Variants in PREX2 observed in about 807,000 individuals in gnomAD.
The protein encoded by PREX2 is phosphatidylinositol 3,4,5-trisphosphate-dependent Rac exchanger 2 protein.
A neutral mutation model predicts 203.2 loss-of-function variants in PREX2; 107 were observed. The observed-to-expected ratio is 0.53, with a 90% CI of 0.45 to 0.62. The LOEUF is 0.62. Among genes scored for constraint, PREX2 ranks in the 20% least tolerant of loss-of-function variants. The probability of loss-of-function intolerance (pLI) is 0.00; values close to 1 mark genes in which losing one functional copy is unlikely to be tolerated. For missense variants in PREX2, 1,777 were observed against 1,955.9 expected (o/e 0.91, Z 1.72); for synonymous variants, 672 against 663.6 (o/e 1.01, Z -0.19).
In PREX2 at chr8:68,119,461, T is replaced by C; in HGVS notation, c.3451T>C (p.Ser1151Pro). The change falls in exon 28 of 40, where the codon TCT becomes CCT. Residue 1151 changes from serine to proline, a missense_variant. By Grantham distance (74) the Ser-to-Pro change is moderately conservative. Coordinates refer to ENST00000288368, the MANE Select transcript of PREX2 (RefSeq NM_024870.4). ...GDELPLSVRISHDKQDKIHSC... is the reference protein window; with the variant it reads ...GDELPLSVRIPHDKQDKIHSC... ...TGAACTTCCCTTAAGTGTTCGCATATCTCATGATAAACAGGACAAGATACA... is the reference window on the plus strand; with the variant it reads ...TGAACTTCCCTTAAGTGTTCGCATACCTCATGATAAACAGGACAAGATACA... 6.2e-7 allele frequency: 1 copy of C among 1,613,876 alleles called. No homozygotes were observed. The highest frequency in any genetic ancestry group is 1.1e-5 in the South Asian group (1 of 91,062).
intron 1 of PREX2, among the ~76,000 whole-genome samples, chr8:67,993,882 A>T (rs186533071): frequency 9.7e-4 from 148 of 152,314 alleles, no homozygotes; most frequent in South Asian, 6.8e-3. Flanking sequence ...AGAAATCTTC[A>T]TAGAGAAAGT....
At chr8:68,057,023 T>TC (rs928665863) in intron 10 of PREX2, among the ~76,000 whole-genome samples, 26 of 152,272 alleles carry the variant, frequency 1.7e-4, no homozygotes, top group African/African-American at 6.3e-4. Context: ...TTTGGCTGTG[T>TC]CCCCACCCAA....
chr8:68,114,472 A>T (rs748843967), intron 25 of PREX2, among the ~76,000 whole-genome samples: 2 of 152,172 alleles, frequency 1.3e-5, no homozygotes. Context: ...TACATGGTTT[A>T]ATTCATTTTG....
At chr8:68,179,033 CT>C (rs1448707722) in intron 35 of PREX2, among the ~76,000 whole-genome samples, 2 of 151,966 alleles carry the variant, frequency 1.3e-5, no homozygotes, top group East Asian at 1.9e-4. Flanking sequence ...TTTTTATACA[CT>C]TTTGGTTTAT....
chr8:68,134,398 G>A lies in PREX2; in HGVS notation c.3984+122G>A, dbSNP rs56255850. 9.0e-3 allele frequency: 6,407 copies of A among 715,620 alleles called. 38 individuals are homozygous for A. Among genetic ancestry groups the A allele is most frequent in the Non-Finnish European group, 0.013 (5,595 of 433,220 alleles). 44.3% of individuals were successfully genotyped at this position (715,620 alleles called of 1,614,324 possible). ...ATCTCTATGAATGTGCGTGCATTCA[G>A]CTACTTTAAAAATATACATTTTTCT... On this transcript the variant is annotated intron_variant, in intron 32 of 39. Transcript: ENST00000288368.
At chr8:68,111,999 C>T (rs1810545663) in intron 25 of PREX2, among the ~76,000 whole-genome samples, 1 of 152,104 alleles carries the variant, frequency 6.6e-6, no homozygotes, top group Non-Finnish European at 1.5e-5. Context: ...TGTGAAAGGT[C>T]CTGGGGTTGA....
chr8:68,120,365 T>C lies in PREX2; in HGVS notation c.3595+79T>C, dbSNP rs1810746887. ...ACAATATAGTCATGAAGCAAGCAGATTGCATAAGAGGAACAATTCCAGTTA... is the reference window on the plus strand; with the variant it reads ...ACAATATAGTCATGAAGCAAGCAGACTGCATAAGAGGAACAATTCCAGTTA... On this transcript the variant is annotated intron_variant, in intron 29 of 39. Transcript: ENST00000288368. 4 of 913,100 alleles carry C rather than the reference T, an allele frequency of 4.4e-6. No individual in the cohort carries two copies. The East Asian group carries it at 7.3e-5, about 17-fold the overall frequency. 56.6% of individuals were successfully genotyped at this position (913,100 alleles called of 1,614,324 possible). A position where few individuals can be genotyped will look rare whatever the true frequency, so the allele number is the denominator to read the frequency against.
Position 68,236,758 on chromosome 8 carries a change from G to A in PREX2, c.*5380G>A, listed in dbSNP as rs1003865415. 5.3e-5 allele frequency: 8 copies of A among 151,958 alleles called. No homozygotes were observed. Among genetic ancestry groups the A allele is most frequent in the Non-Finnish European group, 1.2e-4 (8 of 67,952 alleles). 9.4% of individuals were successfully genotyped at this position (151,958 alleles called of 1,614,324 possible). On this transcript the variant is annotated 3_prime_UTR_variant, in exon 40 of 40. Transcript: ENST00000288368. ...AAATATCAAATTGGTTCTATAAATA[G>A]TAATTGTTTTGAATATATCCATACT...
intron 34 of PREX2, among the ~76,000 whole-genome samples, chr8:68,154,686 G>A (rs1811506964): frequency 6.6e-6 from 1 of 152,232 alleles, no homozygotes; most frequent in African/African-American, 2.4e-5. Context: ...AATTAACGAA[G>A]ATGTAGGCTC....
At chr8:68,074,123 C>T (rs945447814) in intron 14 of PREX2, among the ~76,000 whole-genome samples, 9 of 152,024 alleles carry the variant, frequency 5.9e-5, no homozygotes, top group African/African-American at 1.2e-4. Context: ...TGCACCGCTA[C>T]ACCTGGCTAA....
At chr8:68,022,373 C>T (rs569762542) in intron 4 of PREX2, among the ~76,000 whole-genome samples, 29 of 152,086 alleles carry the variant, frequency 1.9e-4, no homozygotes, top group Non-Finnish European at 4.0e-4. Flanking sequence ...CTGTGAGACC[C>T]CACAGGTTCC....
chr8:68,073,799 G>A (rs964651334), intron 14 of PREX2, among the ~76,000 whole-genome samples: 1 of 152,110 alleles, frequency 6.6e-6, no homozygotes, highest in Admixed American at 6.6e-5. Flanking sequence ...CTTGTATGAT[G>A]TGTTGATTAC....
rs75039764 is a variant in PREX2, at chr8:68,225,836, G to A, written c.4775+1210G>A. Among the ~76,000 whole-genome samples, 945 of 152,236 alleles carry A rather than the reference G, an allele frequency of 6.2e-3. 11 individuals carry two copies. The highest frequency in any genetic ancestry group is 0.021 in the African/African-American group (887 of 41,530). On this transcript the variant is annotated intron_variant, in intron 39 of 39. Coordinates refer to ENST00000288368, the MANE Select transcript of PREX2 (RefSeq NM_024870.4). The stretch of plus-strand genomic sequence containing the variant: ...ACGCATTCTCCATCCAGCACCTTGG[G>A]AAGCATGGTATATTTGGATAATAGA...
At chr8:68,019,495 A>G in intron 2 of PREX2, 54 bp from the exon 3 acceptor site, 3 of 1,479,750 alleles carry the variant, frequency 2.0e-6, no homozygotes, top group East Asian at 2.3e-5. Flanking sequence ...GCTATCATAG[A>G]CTTAAAAAAA....
intron 10 of PREX2, 44 bp downstream of exon 10, chr8:68,056,018 A>C: frequency 1.9e-6 from 3 of 1,555,872 alleles, no homozygotes; most frequent in East Asian, 2.2e-5. Flanking sequence ...TTACATTCTC[A>C]TTGTCTCACC....
chr8:68,068,095 G>A (rs978341122), intron 11 of PREX2, among the ~76,000 whole-genome samples: 4 of 151,988 alleles, frequency 2.6e-5, no homozygotes, highest in Non-Finnish European at 5.9e-5. Flanking sequence ...ATTTTATTGT[G>A]ATATTGAACT....
At chr8:68,014,733 T>G (rs1400779245) in intron 1 of PREX2, among the ~76,000 whole-genome samples, 1 of 152,182 alleles carries the variant, frequency 6.6e-6, no homozygotes, top group African/African-American at 2.4e-5. Flanking sequence ...AAGACTCATT[T>G]ATTTCTCAAA....
intron 1 of PREX2, among the ~76,000 whole-genome samples, chr8:67,985,160 TAACC>T (rs1806381199): frequency 6.6e-6 from 1 of 152,198 alleles, no homozygotes; most frequent in Non-Finnish European, 1.5e-5. Context: ...GTTGATTTCC[TAACC>T]ATGACTTGTT....
At chr8:67,999,683 A>G (rs897223620) in intron 1 of PREX2, among the ~76,000 whole-genome samples, 7 of 152,266 alleles carry the variant, frequency 4.6e-5, no homozygotes, top group African/African-American at 1.7e-4. Flanking sequence ...TCAGGCGCAT[A>G]TTCTTGATGA....
Sources: allele counts gnomAD v4.1 joint callset (sites outside exome capture counted in the v4.1 genomes callset), GRCh38; gene constraint gnomAD v4.1.1; transcripts MANE v1.5; gene names NCBI Gene and HGNC (gene_info 2026-07-23, HGNC 2026-07-21).